RERE: variants seen among roughly 807,000 people sequenced by gnomAD.
RERE encodes arginine-glutamic acid dipeptide repeats protein.
RERE carries 40 observed loss-of-function variants against 146.1 expected under a neutral mutation model. The ratio of observed to expected loss-of-function variants is 0.27; its 90% confidence interval spans 0.21 to 0.36. RERE has a LOEUF of 0.36. Ranked by LOEUF, RERE falls within the 10% of genes least tolerant of loss-of-function variation. RERE has a pLI of 1.00. For synonymous variants in RERE, 1,003 were observed against 866.0 expected (o/e 1.16, Z -2.78); for missense variants, 1,933 against 2,138.7 (o/e 0.90, Z 1.90).
intron 4 of RERE, among the ~76,000 whole-genome samples, chr1:8,573,075 G>A (rs1039761517): frequency 2.6e-5 from 4 of 152,112 alleles, no homozygotes; most frequent in African/African-American, 4.8e-5. Flanking sequence ...TATCCTGAGC[G>A]TGTTCATGAA....
intron 4 of RERE, among the ~76,000 whole-genome samples, chr1:8,564,862 G>GTC (rs1646132510): frequency 7.6e-6 from 1 of 131,160 alleles, no homozygotes; most frequent in African/African-American, 3.3e-5. Context: ...GTGTGTGTGT[G>GTC]TGTGTGTGTA....
intron 7 of RERE, among the ~76,000 whole-genome samples, chr1:8,525,272 G>T (rs921754688): frequency 6.6e-6 from 1 of 152,188 alleles, no homozygotes; most frequent in East Asian, 1.9e-4. Context: ...CTGGCAAACA[G>T]GCTCTCAATC....
Position 8,356,077 on chromosome 1 carries a change from C to T in RERE, c.4486+23G>A, listed in dbSNP as rs1311125940. The T allele has an allele frequency of 6.8e-7, 1 of 1,473,466 alleles. No individual in the cohort carries two copies. Among genetic ancestry groups the T allele is most frequent in the African/African-American group, 1.5e-5 (1 of 67,788 alleles). The allele number at this position is 1,473,466 out of a possible 1,614,324, so 91.3% of individuals were successfully genotyped here. A position where few individuals can be genotyped will look rare whatever the true frequency, so the allele number is the denominator to read the frequency against. On this transcript the variant is annotated intron_variant, in intron 21 of 22. Transcript: ENST00000400908. The surrounding 1 kb of genome is among the most constrained non-coding windows in gnomAD (Gnocchi z 5.2). ...CCCAACCCTCACACGGCCTCCCCGC[C>T]CCTCCTGGAGGGGAAGTCTTACCGA...
rs114249907 is a variant in RERE, at chr1:8,762,407, G to C, written c.-145+54753C>G. Among the ~76,000 whole-genome samples the C allele has an allele frequency of 8.3e-3, 1,265 of 152,116 alleles. 8 individuals are homozygous for C. The highest frequency in any genetic ancestry group is 0.014 in the Non-Finnish European group (973 of 68,010). The stretch of plus-strand genomic sequence containing the variant: ...GAAAAAATTACAAATCAGCTTTCTC[G>C]GTTATAACACAAGCTTTTCAGCACA... On this transcript the variant is annotated intron_variant, in intron 1 of 22. Transcript: ENST00000400908.
intron 4 of RERE, among the ~76,000 whole-genome samples, chr1:8,613,387 G>A (rs151268058): frequency 2.4e-3 from 361 of 152,154 alleles, no homozygotes; most frequent in African/African-American, 8.4e-3. Context: ...TCCCAGACTC[G>A]TCAGCCTCAC....
intron 3 of RERE, among the ~76,000 whole-genome samples, chr1:8,617,746 T>G (rs1162965283): frequency 6.6e-6 from 1 of 152,228 alleles, no homozygotes; most frequent in Non-Finnish European, 1.5e-5. Flanking sequence ...ACACGTATAC[T>G]AGGCCCTCAT....
chr1:8,530,408 CT>C (rs1645628530), intron 7 of RERE, among the ~76,000 whole-genome samples: 1 of 152,028 alleles, frequency 6.6e-6, no homozygotes, highest in African/African-American at 2.4e-5. Flanking sequence ...TGAAAATTGC[CT>C]AAGTTTTATC....
At chr1:8,421,393 G>C (rs947125877) in intron 12 of RERE, among the ~76,000 whole-genome samples, 4 of 152,136 alleles carry the variant, frequency 2.6e-5, no homozygotes, top group Non-Finnish European at 5.9e-5. Flanking sequence ...TCTGGGAAGG[G>C]TAAGAAATAA....
At chr1:8,399,935 T>G (rs1170505325) in intron 12 of RERE, among the ~76,000 whole-genome samples, 2 of 151,998 alleles carry the variant, frequency 1.3e-5, no homozygotes, top group African/African-American at 4.8e-5. Flanking sequence ...ACTATGTCAT[T>G]CAGGTGGGAC....
At chr1:8,664,975 C>T (rs916112744) in intron 1 of RERE, among the ~76,000 whole-genome samples, 2 of 152,144 alleles carry the variant, frequency 1.3e-5, no homozygotes, top group African/African-American at 2.4e-5. Context: ...ATTAAAAATC[C>T]AAATCCTTAT....
chr1:8,490,305 C>T (rs1644963301), intron 10 of RERE, among the ~76,000 whole-genome samples: 2 of 136,720 alleles, frequency 1.5e-5, no homozygotes, highest in East Asian at 2.1e-4. Flanking sequence ...TGCAGTGAGC[C>T]GAGATCGCAC....
chr1:8,713,371 T>C (rs1639704755), intron 1 of RERE, among the ~76,000 whole-genome samples: 1 of 152,226 alleles, frequency 6.6e-6, no homozygotes, highest in South Asian at 2.1e-4. Flanking sequence ...AAAAGGCAGA[T>C]TAACTTTAAA....
intron 6 of RERE, among the ~76,000 whole-genome samples, chr1:8,552,793 G>A (rs947669548): frequency 6.6e-6 from 1 of 152,224 alleles, no homozygotes; most frequent in African/African-American, 2.4e-5. Context: ...GAGCGAGGCC[G>A]GATCACTAAG....
chr1:8,529,287 CTTTTTTTTTTTT>C (rs34547801), intron 7 of RERE, among the ~76,000 whole-genome samples: 7 of 102,440 alleles, frequency 6.8e-5, no homozygotes, highest in Non-Finnish European at 1.3e-4. Flanking sequence ...GTTCTCCCTT[CTTTTTTTTTTTT>C]TTTTTTTTGA....
intron 8 of RERE, among the ~76,000 whole-genome samples, chr1:8,500,540 G>A (rs1256953212): frequency 6.6e-6 from 1 of 152,214 alleles, no homozygotes. Flanking sequence ...GGAGTGCAGT[G>A]GTGTGATCTC....
chr1:8,701,408 AACAC>A (rs773100073), intron 1 of RERE, among the ~76,000 whole-genome samples: 6 of 151,998 alleles, frequency 3.9e-5, no homozygotes, highest in South Asian at 2.1e-4. Flanking sequence ...ACGCTATAAA[AACAC>A]ACACACAAAG....
Position 8,516,227 on chromosome 1 carries a change from G to GAAAAAAAAA in RERE, c.831-7561_831-7553dup, listed in dbSNP as rs58064164. ...GGGACGGAGCAAGACTCTCTCAGAGGAAAAAAAAAAAAAAAAAAAAAATCT... is the reference window on the plus strand; with the variant it reads ...GGGACGGAGCAAGACTCTCTCAGAGGAAAAAAAAAAAAAAAAAAAAAAAAAAAAAAATCT... On this transcript the variant is annotated intron_variant, in intron 7 of 22. Coordinates refer to ENST00000400908, the MANE Select transcript of RERE (RefSeq NM_001042681.2). Among the ~76,000 whole-genome samples the GAAAAAAAAA allele has an allele frequency of 3.1e-3, 163 of 52,300 alleles. 7 individuals are homozygous for GAAAAAAAAA. The highest frequency in any genetic ancestry group is 5.3e-3 in the South Asian group (7 of 1,312). The allele number at this position is 52,300 out of a possible 152,430, so 34.3% of individuals were successfully genotyped here. A position where few individuals can be genotyped will look rare whatever the true frequency, so the allele number is the denominator to read the frequency against.
At chr1:8,706,481 A>G (rs148789735) in intron 1 of RERE, among the ~76,000 whole-genome samples, 124 of 152,336 alleles carry the variant, frequency 8.1e-4, no homozygotes, top group African/African-American at 2.8e-3. Context: ...AGTTCTTCCT[A>G]TTACCCAGCC....
At chr1:8,759,857 A>ACG (rs1328317043) in intron 1 of RERE, among the ~76,000 whole-genome samples, 1 of 151,838 alleles carries the variant, frequency 6.6e-6, no homozygotes, top group African/African-American at 2.4e-5. Context: ...ACACACACAC[A>ACG]CACACACACA....
Sources: allele counts gnomAD v4.1 joint callset (sites outside exome capture counted in the v4.1 genomes callset), GRCh38; gene constraint gnomAD v4.1.1; non-coding constraint Gnocchi (gnomAD v3.1); transcripts MANE v1.5; gene names NCBI Gene and HGNC (gene_info 2026-07-23, HGNC 2026-07-21).